Variants in MYOF observed in about 807,000 individuals in gnomAD.
The protein encoded by MYOF is fer-1-like 3, myoferlin.
Under a neutral mutation model 284.2 loss-of-function variants are expected in MYOF, and 244 were observed. The ratio of observed to expected loss-of-function variants is 0.86; its 90% CI spans 0.77 to 0.95. The LOEUF (loss-of-function observed/expected upper bound fraction) is 0.95, where lower values mean the gene tolerates loss of function less well. MYOF is among the 40% of genes least tolerant of loss of function. The probability of loss-of-function intolerance (pLI) is 0.00; values close to 1 mark genes in which losing one functional copy is unlikely to be tolerated. For synonymous variants in MYOF, 904 were observed against 919.7 expected (o/e 0.98, Z 0.31); for missense variants, 2,496 against 2,560.6 (o/e 0.97, Z 0.54).
In MYOF at chr10:93,328,021, C is replaced by T. The variant is rs184623511; in HGVS notation, c.5131+742G>A. ...CTGACCTCAAATGATCCACCCGACT[C>T]GACCTCCCAAAGTGCTGAGATTACA... On this transcript the variant is annotated intron_variant, in intron 45 of 53. Coordinates refer to ENST00000359263, the MANE Select transcript of MYOF (RefSeq NM_013451.4). Among the ~76,000 whole-genome samples, 12 of 152,204 alleles carry T rather than the reference C, an allele frequency of 7.9e-5. No homozygotes were observed. The South Asian group carries it at 2.3e-3, about 29-fold the overall frequency.
chr10:93,439,555 G>A (rs1165316381), intron 3 of MYOF, among the ~76,000 whole-genome samples: 2 of 152,190 alleles, frequency 1.3e-5, no homozygotes, highest in African/African-American at 4.8e-5. Flanking sequence ...TTTGCCTGAT[G>A]ACTAGGAACG....
intron 3 of MYOF, among the ~76,000 whole-genome samples, chr10:93,438,102 C>T (rs1237015581): frequency 6.6e-6 from 1 of 152,142 alleles, no homozygotes; most frequent in East Asian, 1.9e-4. Context: ...TGCCATCCCC[C>T]ACGTGATGTC....
At chr10:93,464,716 C>G (rs1173987543) in intron 1 of MYOF, among the ~76,000 whole-genome samples, 1 of 152,120 alleles carries the variant, frequency 6.6e-6, no homozygotes, top group Non-Finnish European at 1.5e-5. Context: ...GATGTGCCCC[C>G]CAAGTCCTGA....
At chr10:93,398,208 T>C (rs1306946826) in intron 13 of MYOF, among the ~76,000 whole-genome samples, 1 of 152,042 alleles carries the variant, frequency 6.6e-6, no homozygotes, top group Non-Finnish European at 1.5e-5. Context: ...CTGCTAACAT[T>C]TTCTTCCTTG....
intron 53 of MYOF, 125 bp downstream of exon 53, chr10:93,309,895 G>A: frequency 8.7e-7 from 1 of 1,153,838 alleles, no homozygotes; most frequent in Non-Finnish European, 1.2e-6. Context: ...CAAAGCAGAA[G>A]GGTTACAACC....
At chr10:93,446,998 T>C (rs950721849) in intron 3 of MYOF, among the ~76,000 whole-genome samples, 1 of 152,168 alleles carries the variant, frequency 6.6e-6, no homozygotes, top group African/African-American at 2.4e-5. Context: ...ATCACAGGCA[T>C]GAGCCACCAC....
rs375924081 is a variant in MYOF at position 93,356,774 on chromosome 10, T to C, written c.3195A>G (p.Gln1065=). Residue 1065 remains glutamine, a synonymous_variant, in exon 30 of 54, where the codon CAA becomes CAG. Transcript: ENST00000359263. ...SLIGWKFHWK[Q]RSSDTFRRRR... ...TGCGGCGGAAGGTATCTGAACTACG[T>C]TGTTTCCAGTGAAATTTCCAGCCAA... The C allele has an allele frequency of 2.5e-5, 40 of 1,614,096 alleles. No individual in the cohort carries two copies. The East Asian group carries it at 8.2e-4, about 33-fold the overall frequency.
At chr10:93,432,464 A>G (rs1848921620) in intron 3 of MYOF, among the ~76,000 whole-genome samples, 1 of 152,160 alleles carries the variant, frequency 6.6e-6, no homozygotes, top group South Asian at 2.1e-4. Context: ...AAGAGAGAAA[A>G]GTAGGACAAA....
intron 22 of MYOF, 108 bp from the exon 23 acceptor site, chr10:93,375,063 T>G: frequency 9.3e-7 from 1 of 1,077,334 alleles, no homozygotes; most frequent in South Asian, 1.6e-5. Context: ...GCAAACCACA[T>G]CAACCTCCTA....
intron 4 of MYOF, among the ~76,000 whole-genome samples, chr10:93,431,151 C>T (rs1252616846): frequency 1.3e-5 from 2 of 151,726 alleles, no homozygotes; most frequent in African/African-American, 4.8e-5. Flanking sequence ...GCCTCAGCCT[C>T]CCAAGTAGCT....
At position 93,423,493 on chromosome 10, in the gene MYOF, T is replaced by G. The variant is rs1329440659; in HGVS notation, c.433+2578A>C. On this transcript the variant is annotated intron_variant, in intron 5 of 53. Coordinates refer to ENST00000359263, the MANE Select transcript of MYOF (RefSeq NM_013451.4). ...ATAAGCTGAGACTGCACCACTGCACTCCAGCCTAGATGACAGAGCAAGACT... is the reference window on the plus strand; with the variant it reads ...ATAAGCTGAGACTGCACCACTGCACGCCAGCCTAGATGACAGAGCAAGACT... 2.6e-5 allele frequency among the ~76,000 whole-genome samples: 3 copies of G among 116,412 alleles called. No homozygotes were observed. In the Admixed American group the frequency reaches 3.6e-4, roughly 14 times the overall value. The allele number at this position is 116,412 out of a possible 152,430, so 76.4% of individuals were successfully genotyped here.
At chr10:93,459,400 T>C (rs997313974) in intron 1 of MYOF, among the ~76,000 whole-genome samples, 9 of 152,264 alleles carry the variant, frequency 5.9e-5, no homozygotes, top group African/African-American at 2.2e-4. Flanking sequence ...GGTGCCAGGC[T>C]GTGCATTCTA....
At chr10:93,477,880 A>G (rs1318932374) in intron 1 of MYOF, among the ~76,000 whole-genome samples, 1 of 152,138 alleles carries the variant, frequency 6.6e-6, no homozygotes, top group Non-Finnish European at 1.5e-5. Flanking sequence ...TGAAATATGC[A>G]TATTCACAAA....
chr10:93,440,246 T>C (rs1324141144), intron 3 of MYOF, among the ~76,000 whole-genome samples: 1 of 152,106 alleles, frequency 6.6e-6, no homozygotes, highest in Non-Finnish European at 1.5e-5. Context: ...ACCCCATTTC[T>C]ACTAAAAATA....
At chr10:93,346,698 A>T (rs1213484842) in intron 37 of MYOF, among the ~76,000 whole-genome samples, 1 of 152,202 alleles carries the variant, frequency 6.6e-6, no homozygotes, top group Non-Finnish European at 1.5e-5. Flanking sequence ...CTCCTCTCTC[A>T]GTGTTCATGG....
intron 4 of MYOF, among the ~76,000 whole-genome samples, chr10:93,426,855 C>T (rs1366586215): frequency 1.3e-5 from 2 of 151,014 alleles, no homozygotes; most frequent in Admixed American, 6.6e-5. Context: ...GTGCCACTCA[C>T]TCCCGCCTAG....
chr10:93,388,014 C>T (rs1846481086), intron 18 of MYOF, 101 bp from the exon 19 acceptor site: 1 of 870,502 alleles, frequency 1.1e-6, no homozygotes, highest in African/African-American at 1.7e-5. Context: ...TTTCTCCTTC[C>T]CATGGCCCTA....
chr10:93,318,422 AAAAGAAAAAAGTCCCCTTT>A (rs1285280879), intron 49 of MYOF, among the ~76,000 whole-genome samples: 1 of 151,850 alleles, frequency 6.6e-6, no homozygotes, highest in Non-Finnish European at 1.5e-5. Context: ...CCCTATCTCA[AAAAGAAAAAAGTCCCCTTT>A]GAAGGCGTTC....
At chr10:93,431,038 T>G (rs1036127782) in intron 4 of MYOF, among the ~76,000 whole-genome samples, 2 of 131,802 alleles carry the variant, frequency 1.5e-5, no homozygotes, top group African/African-American at 5.4e-5. Flanking sequence ...TTTTTTTTTT[T>G]TTTGTTTGAG....
Sources: allele counts gnomAD v4.1 joint callset (sites outside exome capture counted in the v4.1 genomes callset), GRCh38; gene constraint gnomAD v4.1.1; transcripts MANE v1.5; gene names NCBI Gene and HGNC (gene_info 2026-07-23, HGNC 2026-07-21).